The following UNC13C variants were observed in gnomAD, a reference collection of about 807,000 sequenced individuals.
The protein encoded by UNC13C is protein unc-13 homolog C.
UNC13C carries 174 observed loss-of-function variants against 245.4 expected under a neutral mutation model. The observed-to-expected ratio is 0.71, with a 90% confidence interval of 0.63 to 0.80. The LOEUF (loss-of-function observed/expected upper bound fraction) is 0.80. Ranked by LOEUF, UNC13C falls within the 30% of genes least tolerant of loss-of-function variation. The pLI, the probability that UNC13C is intolerant of heterozygous loss-of-function variation, is 0.00. For synonymous variants in UNC13C, 992 were observed against 895.1 expected, an observed-to-expected ratio of 1.11 and a Z score of -1.93; for missense variants, 2,829 against 2,602.9, an observed-to-expected ratio of 1.09 and a Z score of -1.89.
chr15:54,001,103 T>C (rs1466069899), intron 1 of UNC13C, among the ~76,000 whole-genome samples: 2 of 152,212 alleles, frequency 1.3e-5, no homozygotes, highest in Admixed American at 6.5e-5. Context: ...TGTTTGTAGC[T>C]GAGCAGGTTG....
upstream of UNC13C, among the ~76,000 whole-genome samples, chr15:53,976,549 A>G (rs60004652): frequency 0.031 from 4,169 of 135,524 alleles, 87 homozygotes; most frequent in South Asian, 0.062. Context: ...TTGGCTCACT[A>G]CAACCTCCGC....
At chr15:54,599,508 C>G (rs889836858) in intron 30 of UNC13C, among the ~76,000 whole-genome samples, 4 of 151,912 alleles carry the variant, frequency 2.6e-5, no homozygotes, top group African/African-American at 9.7e-5. Context: ...AGATCTATTT[C>G]TTTCACTCCA....
Position 54,569,962 on chromosome 15 carries a change from C to G in UNC13C, c.6106+2015C>G, listed in dbSNP as rs189143274. Among the ~76,000 whole-genome samples the G allele has an allele frequency of 1.5e-3, 222 of 152,090 alleles. 1 individual carries two copies. The highest frequency in any genetic ancestry group is 5.1e-3 in the African/African-American group (211 of 41,462). On this transcript the variant is annotated intron_variant, in intron 30 of 32. Coordinates refer to ENST00000260323, the MANE Select transcript of UNC13C (RefSeq NM_001080534.3). Reference sequence around the variant, plus strand: ...CTGCCCTCACCAGACATGTTCAGGCCCAAAGGACTTAGTGTATAAAAGGGA... The same window carrying G: ...CTGCCCTCACCAGACATGTTCAGGCGCAAAGGACTTAGTGTATAAAAGGGA...
intron 2 of UNC13C, among the ~76,000 whole-genome samples, chr15:54,107,451 G>A (rs1900503204): frequency 6.6e-6 from 1 of 152,116 alleles, no homozygotes; most frequent in East Asian, 1.9e-4. Context: ...AACATAAGGA[G>A]GTGCCCGGCA....
intron 4 of UNC13C, among the ~76,000 whole-genome samples, chr15:54,149,278 A>G (rs2032415569): frequency 6.6e-6 from 1 of 152,198 alleles, no homozygotes; most frequent in Non-Finnish European, 1.5e-5. Flanking sequence ...GCAGTGTGAA[A>G]ATGGACTAAT....
intron 17 of UNC13C, among the ~76,000 whole-genome samples, chr15:54,370,854 A>G (rs1183337130): frequency 3.3e-5 from 5 of 152,162 alleles, no homozygotes; most frequent in Admixed American, 3.3e-4. Flanking sequence ...TCCTTCATTA[A>G]AATATAATTT....
chr15:54,279,171 A>G (rs1366964004), intron 10 of UNC13C, among the ~76,000 whole-genome samples: 2 of 152,200 alleles, frequency 1.3e-5, no homozygotes, highest in African/African-American at 2.4e-5. Flanking sequence ...TTGTGCAGTG[A>G]CTTGGCATTT....
chr15:53,981,397 C>T (rs1486368521), intron 1 of UNC13C, among the ~76,000 whole-genome samples: 1 of 152,034 alleles, frequency 6.6e-6, no homozygotes, highest in Non-Finnish European at 1.5e-5. Flanking sequence ...TAAATACATG[C>T]CAAGTTTGTT....
chr15:54,620,468 G>A (rs1471300400), intron 30 of UNC13C, among the ~76,000 whole-genome samples: 1 of 152,108 alleles, frequency 6.6e-6, no homozygotes, highest in Non-Finnish European at 1.5e-5. Context: ...AGAATGTTAT[G>A]GCCAGGTGCA....
rs897768941 is a variant in UNC13C, at chr15:54,048,554, T to C, written c.2983+32668T>C. ...TTTTTGACTCTTTAAATGGAAGACT[T>C]TTTATAGAATTGATGTACTGAAACT... On this transcript the variant is annotated intron_variant, in intron 2 of 32. Coordinates refer to ENST00000260323, the MANE Select transcript of UNC13C (RefSeq NM_001080534.3). The C allele has an allele frequency of 1.2e-5, 6 of 490,888 alleles. No homozygotes were observed. In the East Asian group the frequency reaches 2.8e-4, roughly 23 times the overall value. 30.4% of individuals were successfully genotyped at this position (490,888 alleles called of 1,614,324 possible).
chr15:53,889,086 AC>A, the UNC13C span, among the ~76,000 whole-genome samples: 1 of 152,144 alleles, frequency 6.6e-6, no homozygotes, highest in African/African-American at 2.4e-5. Context: ...AATTCTGTAA[AC>A]AAAGTCAATG....
chr15:53,883,147 G>C, the UNC13C span, among the ~76,000 whole-genome samples: 6 of 152,082 alleles, frequency 3.9e-5, no homozygotes, highest in African/African-American at 1.4e-4. Context: ...AGATTTAATA[G>C]TGAATCAGCA....
At chr15:54,210,329 T>A (rs2034842189) in intron 4 of UNC13C, among the ~76,000 whole-genome samples, 1 of 151,398 alleles carries the variant, frequency 6.6e-6, no homozygotes, top group African/African-American at 2.4e-5. Flanking sequence ...TCTAAATCAG[T>A]TACTTTGTCA....
At chr15:54,234,110 T>C (rs12899426) in intron 4 of UNC13C, among the ~76,000 whole-genome samples, 3 of 151,784 alleles carry the variant, frequency 2.0e-5, no homozygotes, top group African/African-American at 7.3e-5. Context: ...ATAACAGGGA[T>C]TTTTCTCTTT....
chr15:54,565,758 T>C (rs747841953), intron 29 of UNC13C, among the ~76,000 whole-genome samples: 2 of 152,032 alleles, frequency 1.3e-5, no homozygotes, highest in African/African-American at 4.8e-5. Flanking sequence ...ACAAAAATCA[T>C]CTATACTATT....
chr15:53,939,799 C>T, the UNC13C span, among the ~76,000 whole-genome samples: 3 of 138,850 alleles, frequency 2.2e-5, no homozygotes, highest in Admixed American at 7.4e-5. Context: ...GTAAGGTCAG[C>T]CAAGAGAAAG....
chr15:54,361,784 G>A (rs562165367), intron 17 of UNC13C, among the ~76,000 whole-genome samples: 1 of 152,224 alleles, frequency 6.6e-6, no homozygotes, highest in Non-Finnish European at 1.5e-5. Context: ...TACTCTGTGA[G>A]TTGAAGCTGA....
At chr15:54,530,484 G>A (rs1267238126) in intron 25 of UNC13C, among the ~76,000 whole-genome samples, 1 of 152,138 alleles carries the variant, frequency 6.6e-6, no homozygotes, top group Non-Finnish European at 1.5e-5. Flanking sequence ...TGCTCTCATG[G>A]GGCTTACATT....
chr15:53,876,546 C>T, the UNC13C span, among the ~76,000 whole-genome samples: 4 of 152,132 alleles, frequency 2.6e-5, no homozygotes, highest in Admixed American at 6.6e-5. Context: ...CCGCATGTCT[C>T]GTTAATGCTT....
Sources: allele counts gnomAD v4.1 joint callset (sites outside exome capture counted in the v4.1 genomes callset), GRCh38; gene constraint gnomAD v4.1.1; transcripts MANE v1.5; gene names NCBI Gene and HGNC (gene_info 2026-07-23, HGNC 2026-07-21).